Variants in EPSTI1 observed in about 807,000 individuals in gnomAD.
EPSTI1 encodes the protein epithelial-stromal interaction protein 1.
A neutral mutation model predicts 49.9 loss-of-function variants in EPSTI1; 66 were observed. The observed-to-expected ratio is 1.32, with a 90% CI of 1.08 to 1.62. The LOEUF is 1.62. EPSTI1 is among the 40% of genes most tolerant of loss of function. The pLI is 0.00. For missense variants in EPSTI1, 394 were observed against 365.5 expected (o/e 1.08, Z -0.64); for synonymous variants, 137 against 130.7 (o/e 1.05, Z -0.33).
At chr13:42,948,119 A>C (rs2038974461) in intron 6 of EPSTI1, among the ~76,000 whole-genome samples, 1 of 152,190 alleles carries the variant, frequency 6.6e-6, no homozygotes, top group African/African-American at 2.4e-5. Context: ...GCGCCACCCA[A>C]AGCGGCTGCA....
chr13:42,895,201 G>C (rs371188779), intron 9 of EPSTI1, 93 bp from the exon 10 acceptor site: 1 of 918,590 alleles, frequency 1.1e-6, no homozygotes, highest in East Asian at 2.7e-5. Flanking sequence ...ACTGACCATG[G>C]GGATAGCTTC....
At chr13:42,895,158 G>A in intron 9 of EPSTI1, 50 bp from the exon 10 acceptor site, 1 of 1,423,586 alleles carries the variant, frequency 7.0e-7, no homozygotes, top group Non-Finnish European at 9.8e-7. Context: ...CTGCAGGGCT[G>A]AGAGATTTCT....
At chr13:42,962,372 C>T (rs1237178780) in intron 5 of EPSTI1, among the ~76,000 whole-genome samples, 1 of 148,588 alleles carries the variant, frequency 6.7e-6, no homozygotes, top group Non-Finnish European at 1.5e-5. Context: ...GAAGGGTCTA[C>T]AGATCAACTC....
chr13:42,969,231 C>T (rs2039706140), intron 2 of EPSTI1, 54 bp from the exon 3 acceptor site: 1 of 1,546,494 alleles, frequency 6.5e-7, no homozygotes, highest in Non-Finnish European at 8.9e-7. Context: ...TAAAAGAAAA[C>T]CAGTCCCTTC....
At chr13:42,946,577 C>A (rs537614329) in intron 6 of EPSTI1, among the ~76,000 whole-genome samples, 12 of 152,298 alleles carry the variant, frequency 7.9e-5, no homozygotes, top group African/African-American at 2.6e-4. Flanking sequence ...CCAGAGAAAG[C>A]AGACACATTT....
Position 42,992,046 on chromosome 13 carries a change from C to A in EPSTI1, c.120G>T (p.Gln40His), listed in dbSNP as rs1454940936. The change falls in exon 1 of 11, where the codon CAG (glutamine) becomes CAT (histidine). Residue 40 changes from glutamine (Q) to histidine (H), a missense_variant. Physicochemically the swap from Gln to His is conservative, Grantham distance 24 (BLOSUM62 0). Coordinates refer to ENST00000313624, the MANE Select transcript of EPSTI1 (RefSeq NM_033255.5). The part of the protein sequence containing the change: ...RQGELSPVED[Q>H]REGLEAAPKG... ...TAGGGGCTGCCTCCAAACCCTCTCTCTGGTCTTCCACGGGGCTCAGCTCCC... is the reference window on the plus strand; with the variant it reads ...TAGGGGCTGCCTCCAAACCCTCTCTATGGTCTTCCACGGGGCTCAGCTCCC... The A allele has an allele frequency of 6.2e-7, 1 of 1,613,494 alleles. No homozygotes were observed. The highest frequency in any genetic ancestry group is 8.5e-7 in the Non-Finnish European group (1 of 1,180,032).
At chr13:42,970,786 C>A in intron 1 of EPSTI1, 116 bp from the exon 2 acceptor site, 1 of 742,278 alleles carries the variant, frequency 1.3e-6, no homozygotes, top group Non-Finnish European at 2.2e-6. Flanking sequence ...ATCAAATAGG[C>A]ACTATGAAAG....
At chr13:42,933,861 G>A in intron 6 of EPSTI1, 1 of 152,890 alleles carries the variant, frequency 6.5e-6, no homozygotes, top group African/African-American at 2.4e-5. Context: ...CCCCTGCATG[G>A]ACTTCCTGGT....
intron 6 of EPSTI1, among the ~76,000 whole-genome samples, chr13:42,940,981 T>C (rs989835869): frequency 9.9e-5 from 15 of 152,230 alleles, no homozygotes. Context: ...TTATCCATTA[T>C]GTTTGAGGCA....
chr13:42,964,645 A>T (rs1455189521), intron 3 of EPSTI1, among the ~76,000 whole-genome samples: 1 of 152,222 alleles, frequency 6.6e-6, no homozygotes, highest in Non-Finnish European at 1.5e-5. Context: ...TAGTCTTTAT[A>T]ACCCAGTTTC....
intron 5 of EPSTI1, among the ~76,000 whole-genome samples, chr13:42,958,485 GAGCTTAACTGAT>G (rs1289668292): frequency 6.6e-6 from 1 of 152,080 alleles, no homozygotes; most frequent in Non-Finnish European, 1.5e-5. Flanking sequence ...AGGAGAAAGG[GAGCTTAACTGAT>G]AGAGAAGCAA....
intron 1 of EPSTI1, among the ~76,000 whole-genome samples, chr13:42,978,589 T>G (rs943638861): frequency 1.3e-5 from 2 of 152,216 alleles, no homozygotes; most frequent in African/African-American, 2.4e-5. Flanking sequence ...TCTTTTCATT[T>G]CACAGTTCTG....
chr13:42,974,617 C>T (rs536587940), intron 1 of EPSTI1, among the ~76,000 whole-genome samples: 12 of 151,908 alleles, frequency 7.9e-5, no homozygotes, highest in Middle Eastern at 3.4e-3. Context: ...CGAGATTGCG[C>T]CACTGCACTC....
chr13:42,891,709 G>C (rs558096917), intron 10 of EPSTI1, among the ~76,000 whole-genome samples: 5 of 152,230 alleles, frequency 3.3e-5, no homozygotes, highest in Admixed American at 1.3e-4. Flanking sequence ...TGTTTGTGAT[G>C]TTGAATCACA....
At chr13:42,971,397 G>A (rs1041670905) in intron 1 of EPSTI1, among the ~76,000 whole-genome samples, 1 of 152,182 alleles carries the variant, frequency 6.6e-6, no homozygotes, top group Non-Finnish European at 1.5e-5. Flanking sequence ...TGATAAATGT[G>A]GGCTGAATTA....
At chr13:42,900,140 G>A (rs1053788160) in intron 9 of EPSTI1, among the ~76,000 whole-genome samples, 170 bp downstream of exon 9, 3 of 152,158 alleles carry the variant, frequency 2.0e-5, no homozygotes, top group Non-Finnish European at 4.4e-5. Context: ...ACTTATATAT[G>A]TAGCAGTTGG....
intron 8 of EPSTI1, among the ~76,000 whole-genome samples, chr13:42,914,304 T>C (rs2037768426): frequency 6.6e-6 from 1 of 152,206 alleles, no homozygotes; most frequent in Non-Finnish European, 1.5e-5. Flanking sequence ...ATCTTAATTA[T>C]AGCTTCATCA....
intron 1 of EPSTI1, among the ~76,000 whole-genome samples, chr13:42,985,078 G>A (rs9562450): frequency 0.3 from 45,080 of 152,126 alleles, 7,370 homozygotes; most frequent in East Asian, 0.51. Context: ...GGGAGCAGGG[G>A]TAGGGAAGGA....
intron 6 of EPSTI1, among the ~76,000 whole-genome samples, chr13:42,949,045 C>A (rs926551445): frequency 3.3e-5 from 5 of 152,168 alleles, no homozygotes; most frequent in African/African-American, 1.2e-4. Context: ...CTAACACTAA[C>A]AGACTCTTTG....
Sources: allele counts gnomAD v4.1 joint callset (sites outside exome capture counted in the v4.1 genomes callset), GRCh38; gene constraint gnomAD v4.1.1; transcripts MANE v1.5; gene names NCBI Gene and HGNC (gene_info 2026-07-23, HGNC 2026-07-21).